PLB1: variants seen among roughly 807,000 people sequenced by gnomAD.
The protein encoded by PLB1 is phospholipase B1.
A neutral mutation model predicts 227.4 loss-of-function variants in PLB1; 242 were observed. The ratio of observed to expected loss-of-function variants is 1.06; its 90% CI spans 0.96 to 1.18. PLB1 has a LOEUF of 1.18. PLB1 is among the 50% of genes most tolerant of loss of function. The pLI is 0.00. For missense variants in PLB1, 1,858 were observed against 1,816.3 expected (o/e 1.02, Z -0.42); for synonymous variants, 757 against 682.2 (o/e 1.11, Z -1.71).
At chr2:28,579,778 G>C in intron 23 of PLB1, 71 bp downstream of exon 23, 1 of 1,323,476 alleles carries the variant, frequency 7.6e-7, no homozygotes, top group African/African-American at 1.4e-5. Context: ...CACTTGCTCT[G>C]CCCGGGAGGA....
At chr2:28,545,350 C>T (rs1673085809) in intron 14 of PLB1, among the ~76,000 whole-genome samples, 1 of 152,344 alleles carries the variant, frequency 6.6e-6, no homozygotes, top group East Asian at 1.9e-4. Flanking sequence ...CATCCCCAGT[C>T]CCTCGTTTCC....
intron 9 of PLB1, 102 bp downstream of exon 9, chr2:28,532,296 C>A: frequency 1.3e-6 from 1 of 792,236 alleles, no homozygotes; most frequent in Non-Finnish European, 2.0e-6. Flanking sequence ...CAGGATGGGG[C>A]TAATGCCACC....
intron 1 of PLB1, among the ~76,000 whole-genome samples, chr2:28,496,378 G>A (rs1407559895): frequency 6.6e-6 from 1 of 152,160 alleles, no homozygotes; most frequent in Non-Finnish European, 1.5e-5. Flanking sequence ...AAAGGCTGCC[G>A]GGAGCGAGGC....
At chr2:28,633,317 G>GATAGGTTGGCTAGATGAAAATACCA in intron 56 of PLB1, 1 of 426,782 alleles carries the variant, frequency 2.3e-6, no homozygotes, top group South Asian at 3.0e-5. Flanking sequence ...TTTGTAATCA[G>GATAGGTTGGCTAGATGAAAATACCA]ATAGGTTGGC....
intron 40 of PLB1, 104 bp from the exon 41 acceptor site, chr2:28,604,551 C>A: frequency 1.3e-6 from 1 of 779,182 alleles, no homozygotes; most frequent in Non-Finnish European, 2.1e-6. Context: ...CTGAGTCGGC[C>A]CCTCCATCCA....
At chr2:28,632,233 T>G (rs968878226) in intron 55 of PLB1, 93 bp downstream of exon 55, 1 of 1,043,298 alleles carries the variant, frequency 9.6e-7, no homozygotes, top group African/African-American at 1.6e-5. Context: ...TTTTTTTTTT[T>G]TAACCATCTC....
intron 35 of PLB1, among the ~76,000 whole-genome samples, chr2:28,600,082 G>A (rs1488056958): frequency 5.3e-5 from 8 of 151,720 alleles, no homozygotes; most frequent in African/African-American, 1.9e-4. Context: ...TAATTTTTCT[G>A]TAATTTTTGT....
In PLB1 at chr2:28,632,019, T is replaced by C; in HGVS notation, c.3898-17T>C. 1 of 1,604,418 alleles carries C rather than the reference T, an allele frequency of 6.2e-7. No homozygotes were observed. Among genetic ancestry groups the C allele is most frequent in the Non-Finnish European group, 8.5e-7 (1 of 1,171,478 alleles). Reference sequence around the variant, plus strand: ...GCCTTGCCAGGAGGGTTGAGCAGCTTCTCTCTCTGTCCCCAGCATGGCATC... The same window carrying C: ...GCCTTGCCAGGAGGGTTGAGCAGCTCCTCTCTCTGTCCCCAGCATGGCATC... On this transcript the variant is annotated splice_polypyrimidine_tract_variant and intron_variant, in intron 54 of 57. Coordinates refer to ENST00000327757, the MANE Select transcript of PLB1 (RefSeq NM_153021.5).
In PLB1 at chr2:28,561,822, A is replaced by G. The variant is rs538586856; in HGVS notation, c.1148-1219A>G. On this transcript the variant is annotated intron_variant, in intron 17 of 57. Transcript: ENST00000327757. ...AGGATCACTTGAGCCCGGGAGGTCG[A>G]GGCTGCAGTGAGCCATTATCACGAG... Among the ~76,000 whole-genome samples the G allele has an allele frequency of 2.0e-4, 31 of 152,332 alleles. No homozygotes were observed. The East Asian group carries it at 5.2e-3, about 26-fold the overall frequency.
At chr2:28,529,860 C>A in intron 8 of PLB1, 81 bp downstream of exon 8, 2 of 1,359,458 alleles carry the variant, frequency 1.5e-6, no homozygotes, top group Non-Finnish European at 2.1e-6. Context: ...TGATGACCCT[C>A]GTACCATTTT....
chr2:28,549,412 CT>C (rs746205635), intron 15 of PLB1, among the ~76,000 whole-genome samples: 5 of 87,300 alleles, frequency 5.7e-5, no homozygotes, highest in Admixed American at 5.5e-4. Context: ...GAGATTCTTT[CT>C]TTTTTTTTTT....
intron 16 of PLB1, among the ~76,000 whole-genome samples, chr2:28,550,926 CA>C: frequency 6.6e-6 from 1 of 152,274 alleles, no homozygotes; most frequent in African/African-American, 2.4e-5. Context: ...TCAGTCAGGA[CA>C]GGCTGGGGGA....
At chr2:28,613,020 A>G (rs1356778780) in intron 43 of PLB1, among the ~76,000 whole-genome samples, 1 of 152,010 alleles carries the variant, frequency 6.6e-6, no homozygotes, top group Non-Finnish European at 1.5e-5. Flanking sequence ...CCTGGGTTCA[A>G]GCAATCCTTC....
chr2:28,530,429 T>G (rs967333194), intron 8 of PLB1, among the ~76,000 whole-genome samples: 2 of 152,208 alleles, frequency 1.3e-5, no homozygotes, highest in Admixed American at 6.5e-5. Flanking sequence ...GTATTGGATG[T>G]GCCTGACACA....
At position 28,563,204 on chromosome 2, in the gene PLB1, A is replaced by G. The variant is rs1572991169; in HGVS notation, c.1206+105A>G. 12 of 1,150,614 alleles carry G rather than the reference A, an allele frequency of 1.0e-5. 1 individual carries two copies. The highest frequency in any genetic ancestry group is 3.8e-5 in the Admixed American group (2 of 52,128). The allele number at this position is 1,150,614 out of a possible 1,614,324, so 71.3% of individuals were successfully genotyped here. A position where few individuals can be genotyped will look rare whatever the true frequency, so the allele number is the denominator to read the frequency against. On this transcript the variant is annotated intron_variant, in intron 18 of 57. Transcript: ENST00000327757. ...AGAAGGTCTCACGCCTGGCTCTTAG[A>G]TGCTACCATCTCGGGTCCTGATCTC...
chr2:28,632,220 G>C (rs1378256493), intron 55 of PLB1, 80 bp downstream of exon 55: 3 of 1,078,358 alleles, frequency 2.8e-6, no homozygotes, highest in Non-Finnish European at 3.9e-6. Flanking sequence ...CTCTAAGTGG[G>C]CTTTTTTTTT....
chr2:28,575,103 G>A lies in PLB1; in HGVS notation c.1433+1798G>A, dbSNP rs1678712243. 2.6e-5 allele frequency among the ~76,000 whole-genome samples: 4 copies of A among 152,180 alleles called. No homozygotes were observed. In the South Asian group the frequency reaches 8.3e-4, roughly 32 times the overall value. Reference sequence around the variant, plus strand: ...AAGGAATCTCCACACTGTTTTCCATGGCGGTTGTACTAGTTTACATTCCCA... The same window carrying A: ...AAGGAATCTCCACACTGTTTTCCATAGCGGTTGTACTAGTTTACATTCCCA... On this transcript the variant is annotated intron_variant, in intron 21 of 57. Coordinates refer to ENST00000327757, the MANE Select transcript of PLB1 (RefSeq NM_153021.5).
chr2:28,632,698 G>A (rs919071477), intron 55 of PLB1, among the ~76,000 whole-genome samples: 3 of 152,110 alleles, frequency 2.0e-5, no homozygotes, highest in African/African-American at 7.2e-5. Context: ...AGAAGTTGCA[G>A]TGAGCTGAGA....
intron 39 of PLB1, among the ~76,000 whole-genome samples, chr2:28,603,733 G>GGTATGAGA (rs1389298072): frequency 6.6e-6 from 1 of 152,216 alleles, no homozygotes; most frequent in African/African-American, 2.4e-5. Context: ...GTGCTCTGTT[G>GGTATGAGA]GTATGAGAGG....
Sources: gnomAD v4.1 joint callset for allele counts (sites outside exome capture counted in the v4.1 genomes callset) on GRCh38, gnomAD v4.1.1 for gene constraint, MANE v1.5 for transcripts, NCBI Gene and HGNC (gene_info 2026-07-23, HGNC 2026-07-21) for gene names.